SLC38A1: variants seen among roughly 807,000 people sequenced by gnomAD.
SLC38A1 encodes the protein sodium-coupled neutral amino acid symporter 1.
A neutral mutation model predicts 60.3 loss-of-function variants in SLC38A1; 18 were observed. That is an observed-to-expected ratio of 0.30 (90% confidence interval 0.21 to 0.44). The LOEUF (loss-of-function observed/expected upper bound fraction) is 0.44. SLC38A1 is among the 20% of genes least tolerant of loss of function. The pLI is 1.00. For missense variants in SLC38A1, 448 were observed against 587.2 expected (o/e 0.76, Z 2.45); for synonymous variants, 196 against 212.1 (o/e 0.92, Z 0.66).
intron 5 of SLC38A1, among the ~76,000 whole-genome samples, chr12:46,213,382 A>T (rs1565765475): frequency 6.6e-6 from 1 of 152,150 alleles, no homozygotes; most frequent in Non-Finnish European, 1.5e-5. Context: ...ATTACATTTT[A>T]TCTTTCAAGT....
At chr12:46,264,471 T>C (rs915349959) in intron 1 of SLC38A1, among the ~76,000 whole-genome samples, 3 of 152,228 alleles carry the variant, frequency 2.0e-5, no homozygotes, top group Admixed American at 2.0e-4. Flanking sequence ...TCCTCTGTTA[T>C]TAGTAAGGTT....
intron 12 of SLC38A1, among the ~76,000 whole-genome samples, chr12:46,201,650 A>G (rs554275132): frequency 6.6e-6 from 1 of 152,092 alleles, no homozygotes; most frequent in East Asian, 1.9e-4. Context: ...GGGTGGCCTC[A>G]GGGATGCACC....
At chr12:46,194,427 T>A (rs1432235654) in intron 16 of SLC38A1, among the ~76,000 whole-genome samples, 1 of 152,112 alleles carries the variant, frequency 6.6e-6, no homozygotes, top group Non-Finnish European at 1.5e-5. Flanking sequence ...GTTGCTCTTC[T>A]TGGAGTATCT....
chr12:46,247,039 CA>C (rs1941645103), intron 1 of SLC38A1, among the ~76,000 whole-genome samples: 1 of 152,138 alleles, frequency 6.6e-6, no homozygotes, highest in African/African-American at 2.4e-5. Context: ...TCACCAACAT[CA>C]AAGACCAAAG....
At chr12:46,262,005 C>G (rs3928576) in intron 1 of SLC38A1, among the ~76,000 whole-genome samples, 50 of 152,250 alleles carry the variant, frequency 3.3e-4, no homozygotes, top group African/African-American at 1.1e-3. Flanking sequence ...CTGTCTGGCC[C>G]CAAATGCCAG....
chr12:46,218,369 A>T (rs565535984), intron 5 of SLC38A1, among the ~76,000 whole-genome samples: 5 of 152,270 alleles, frequency 3.3e-5, no homozygotes, highest in African/African-American at 1.2e-4. Context: ...TGACTGTTGA[A>T]GTAAAGGAAT....
rs929959898 is a variant in SLC38A1, at chr12:46,256,122, C to T, written c.-209+12404G>A. Among the ~76,000 whole-genome samples, 12 of 147,488 alleles carry T rather than the reference C, an allele frequency of 8.1e-5. No individual in the cohort carries two copies. The East Asian group carries it at 1.4e-3, about 17-fold the overall frequency. ...CAGAGCTTACAGTGAATCGAGATCA[C>T]GCCACTGCACTCCAGCCTGGGCAAC... is the stretch of plus-strand genomic sequence containing the variant. On this transcript the variant is annotated intron_variant, in intron 1 of 16. Transcript: ENST00000398637.
In SLC38A1 at chr12:46,201,197, G is replaced by A. The variant is rs907923649; in HGVS notation, c.904C>T (p.Arg302Ter). 1 of 1,610,204 alleles carries A rather than the reference G, an allele frequency of 6.2e-7. No individual in the cohort carries two copies. The highest frequency in any genetic ancestry group is 8.5e-7 in the Non-Finnish European group (1 of 1,177,872). Reference protein sequence around the residue: ...VLPIYSELKDRSQKKMQMVSN... With the variant: ...VLPIYSELKD ...ACCATCTGCATTTTTTTCTGTGATC[G>A]GCTAAAAACAAATAAATGTTAAAAA... is the stretch of plus-strand genomic sequence containing the variant. The change falls in exon 13 of 17, where the codon CGA becomes TGA. Residue 302 changes from arginine to a stop codon, truncating the protein, a stop_gained and splice_region_variant. Transcript: ENST00000398637. LOFTEE classifies it high-confidence loss of function.
At chr12:46,249,156 A>AT in intron 1 of SLC38A1, among the ~76,000 whole-genome samples, 1 of 117,484 alleles carries the variant, frequency 8.5e-6, no homozygotes, top group Non-Finnish European at 1.6e-5. Context: ...ACTCCGCCTC[A>AT]AAAAAAAAAA....
intron 3 of SLC38A1, among the ~76,000 whole-genome samples, chr12:46,238,783 C>T (rs1941343031): frequency 1.3e-5 from 2 of 152,234 alleles, no homozygotes; most frequent in Admixed American, 6.5e-5. Flanking sequence ...ACTCTTCCTA[C>T]CCTGACCCTC....
Position 46,188,981 on chromosome 12 carries a change from C to A in SLC38A1, c.1453G>T (p.Glu485Ter), listed in dbSNP as rs202229349. The A allele has an allele frequency of 6.2e-7, 1 of 1,613,068 alleles. No homozygotes were observed. Among genetic ancestry groups the A allele is most frequent in the Non-Finnish European group, 8.5e-7 (1 of 1,179,678 alleles). ...YDWACSSSSD[E>*]GH ...TTTCTCGGCGGGTTTCAGTGGCCTT[C>A]GTCACTACTCGATGAGCAGGCCCAG... Residue 485 changes from glutamate to a stop codon, truncating the protein, a stop_gained, in exon 17 of 17, where the codon GAA (glutamate) becomes TAA (stop). Coordinates refer to ENST00000398637, the MANE Select transcript of SLC38A1 (RefSeq NM_030674.4). LOFTEE classifies it high-confidence loss of function.
chr12:46,201,047 A>G, intron 13 of SLC38A1, 51 bp downstream of exon 13: 1 of 1,279,502 alleles, frequency 7.8e-7, no homozygotes, highest in Non-Finnish European at 1.1e-6. Flanking sequence ...ACTAATTTTT[A>G]CTAATTTGTT....
chr12:46,205,096 C>T (rs1939834687), intron 9 of SLC38A1, among the ~76,000 whole-genome samples: 1 of 152,196 alleles, frequency 6.6e-6, no homozygotes. Flanking sequence ...AATTGAGTAT[C>T]TGGGGCTCTT....
chr12:46,190,612 T>C (rs921355957), intron 16 of SLC38A1, among the ~76,000 whole-genome samples: 1 of 152,262 alleles, frequency 6.6e-6, no homozygotes, highest in Non-Finnish European at 1.5e-5. Flanking sequence ...CTTCTGACTT[T>C]TTAATGATCG....
chr12:46,195,375 C>T (rs1477047872), intron 16 of SLC38A1, among the ~76,000 whole-genome samples: 1 of 152,190 alleles, frequency 6.6e-6, no homozygotes, highest in Admixed American at 6.5e-5. Context: ...GGAGGTGTTT[C>T]CCAGTCCAGC....
At chr12:46,211,894 T>G (rs1940187791) in intron 5 of SLC38A1, among the ~76,000 whole-genome samples, 1 of 152,060 alleles carries the variant, frequency 6.6e-6, no homozygotes, top group African/African-American at 2.4e-5. Context: ...GACTGAAAAT[T>G]AATATAAAGC....
At chr12:46,217,612 T>C (rs1177823737) in intron 5 of SLC38A1, among the ~76,000 whole-genome samples, 1 of 152,172 alleles carries the variant, frequency 6.6e-6, no homozygotes, top group Admixed American at 6.5e-5. Flanking sequence ...ATTAATAGAA[T>C]CCCTGTTTGA....
chr12:46,249,473 A>C (rs1941755739), intron 1 of SLC38A1, among the ~76,000 whole-genome samples: 1 of 152,176 alleles, frequency 6.6e-6, no homozygotes. Flanking sequence ...GAAGGTAAGA[A>C]ATAACTAAGA....
intron 1 of SLC38A1, among the ~76,000 whole-genome samples, chr12:46,262,376 T>TAA (rs1942224546): frequency 6.7e-6 from 1 of 149,508 alleles, no homozygotes; most frequent in Non-Finnish European, 1.5e-5. Flanking sequence ...TATATTACAT[T>TAA]TAAAAAAAAA....
Sources: gnomAD v4.1 joint callset for allele counts (sites outside exome capture counted in the v4.1 genomes callset) on GRCh38, gnomAD v4.1.1 for gene constraint, MANE v1.5 for transcripts, NCBI Gene and HGNC (gene_info 2026-07-23, HGNC 2026-07-21) for gene names.